GAP43: variants seen among roughly 807,000 people sequenced by gnomAD.
GAP43 encodes neuromodulin.
In GAP43, 6 loss-of-function variants were observed where a neutral mutation model predicts 18.6. That is an observed-to-expected ratio of 0.32 (90% CI 0.18 to 0.64). The LOEUF is 0.64. GAP43 is among the 30% of genes least tolerant of loss of function. The pLI, the probability that GAP43 is intolerant of heterozygous loss-of-function variation, is 0.78. For missense variants in GAP43, 292 were observed against 295.5 expected, an observed-to-expected ratio of 0.99 and a Z score of 0.09; for synonymous variants, 115 against 111.4, an observed-to-expected ratio of 1.03 and a Z score of -0.20.
intron 1 of GAP43, among the ~76,000 whole-genome samples, chr3:115,663,051 A>G (rs1223792212): frequency 6.6e-6 from 1 of 152,168 alleles, no homozygotes; most frequent in Non-Finnish European, 1.5e-5. Context: ...CAGAACCACA[A>G]AGTGGGAGGT....
intron 2 of GAP43, among the ~76,000 whole-genome samples, chr3:115,689,790 TG>T (rs557572538): frequency 3.3e-5 from 5 of 150,632 alleles, no homozygotes; most frequent in Non-Finnish European, 5.9e-5. Flanking sequence ...GAGAAAAAAG[TG>T]GGAGGAAAAA....
intron 2 of GAP43, among the ~76,000 whole-genome samples, chr3:115,716,717 AATATATAT>A (rs3995850): frequency 0.12 from 5,379 of 43,762 alleles, 276 homozygotes; most frequent in Non-Finnish European, 0.16. Context: ...ATCTCAGACA[AATATATAT>A]ATATATATAT....
rs182656126 is a variant in GAP43 at position 115,674,685 on chromosome 3, G to A, written c.31-1328G>A. On this transcript the variant is annotated intron_variant, in intron 1 of 2. Coordinates refer to ENST00000305124, the MANE Select transcript of GAP43 (RefSeq NM_002045.4). Reference sequence around the variant, plus strand: ...CATTTTTTAAAATTCAGGAATAGTGGTCTTTTTTAATTCAGATTTTGAAGG... The same window carrying A: ...CATTTTTTAAAATTCAGGAATAGTGATCTTTTTTAATTCAGATTTTGAAGG... Among the ~76,000 whole-genome samples the A allele has an allele frequency of 1.2e-3, 190 of 152,232 alleles. 1 individual carries two copies. Among genetic ancestry groups the A allele is most frequent in the African/African-American group, 4.5e-3 (185 of 41,542 alleles).
intron 2 of GAP43, among the ~76,000 whole-genome samples, chr3:115,699,012 T>G (rs1237185280): frequency 6.6e-6 from 1 of 152,186 alleles, no homozygotes; most frequent in Non-Finnish European, 1.5e-5. Context: ...TGATTCCTTG[T>G]AAAAGCGGCA....
At chr3:115,707,804 G>T (rs764629980) in intron 2 of GAP43, among the ~76,000 whole-genome samples, 27 of 152,124 alleles carry the variant, frequency 1.8e-4, no homozygotes, top group Non-Finnish European at 3.8e-4. Context: ...TCATGGCTAT[G>T]AAACAGAATA....
intron 2 of GAP43, among the ~76,000 whole-genome samples, chr3:115,696,590 C>A (rs937922058): frequency 1.9e-4 from 25 of 129,140 alleles, no homozygotes; most frequent in Middle Eastern, 3.9e-3. Context: ...CCCCCCCCCC[C>A]ACAAACAGGT....
At chr3:115,673,792 G>A (rs1421046097) in intron 1 of GAP43, among the ~76,000 whole-genome samples, 1 of 152,214 alleles carries the variant, frequency 6.6e-6, no homozygotes, top group Non-Finnish European at 1.5e-5. Context: ...CAGTGGAGGA[G>A]GGAGAAGGAT....
intron 2 of GAP43, among the ~76,000 whole-genome samples, chr3:115,715,241 CA>C (rs1405515993): frequency 7.3e-4 from 111 of 152,280 alleles, no homozygotes; most frequent in African/African-American, 2.5e-3. Flanking sequence ...AACAAAATAA[CA>C]GTACTAATAT....
At chr3:115,683,491 A>T (rs937470443) in intron 2 of GAP43, among the ~76,000 whole-genome samples, 1 of 152,192 alleles carries the variant, frequency 6.6e-6, no homozygotes, top group Non-Finnish European at 1.5e-5. Context: ...ATGTTTTCTG[A>T]TATGACTGGA....
intron 1 of GAP43, among the ~76,000 whole-genome samples, chr3:115,641,578 G>T (rs1313754248): frequency 2.7e-5 from 4 of 150,456 alleles, no homozygotes; most frequent in Non-Finnish European, 4.4e-5. Flanking sequence ...CTGCTAAAAG[G>T]CTCATTACTG....
intron 2 of GAP43, among the ~76,000 whole-genome samples, chr3:115,705,219 T>C (rs1577000986): frequency 6.6e-6 from 1 of 152,162 alleles, no homozygotes; most frequent in East Asian, 1.9e-4. Context: ...GCAGTAGATA[T>C]AAATAGGAAA....
At chr3:115,648,854 C>T (rs1438862664) in intron 1 of GAP43, among the ~76,000 whole-genome samples, 1 of 152,032 alleles carries the variant, frequency 6.6e-6, no homozygotes, top group Non-Finnish European at 1.5e-5. Context: ...AATAAATGGT[C>T]AGTACTATTA....
rs372168438 is a variant in GAP43, at chr3:115,676,516, T to C, written c.534T>C (p.Ala178=). The part of the protein sequence containing the change: ...ADVPAAVTAA[A]ATTPAAEDAA... ...TGCCTGCTGCTGTCACTGCTGCTGC[T>C]GCCACCACCCCTGCCGCAGAGGATG... The change falls in exon 2 of 3, where the codon GCT becomes GCC. Residue 178 remains alanine (A), a synonymous_variant. Coordinates refer to ENST00000305124, the MANE Select transcript of GAP43 (RefSeq NM_002045.4). The C allele has an allele frequency of 9.3e-5, 150 of 1,613,602 alleles. No homozygotes were observed. Among genetic ancestry groups the C allele is most frequent in the Middle Eastern group, 3.3e-4 (2 of 5,994 alleles).
intron 2 of GAP43, among the ~76,000 whole-genome samples, chr3:115,683,306 C>T (rs995834912): frequency 6.6e-6 from 1 of 151,990 alleles, no homozygotes; most frequent in Non-Finnish European, 1.5e-5. Flanking sequence ...AGATAATGGG[C>T]TTAAGGGATG....
intron 1 of GAP43, among the ~76,000 whole-genome samples, chr3:115,626,875 TG>T (rs1708193738): frequency 6.6e-6 from 1 of 152,080 alleles, no homozygotes. Context: ...CTTGCAGTGT[TG>T]GGAAGGTGTG....
Position 115,643,955 on chromosome 3 carries a change from C to T in GAP43, c.30+20236C>T, listed in dbSNP as rs530447527. ...TTCAGAAGTAATAATAAGCTAAACA[C>T]GTGCTACAGCTAATGCATCCATTTC... On this transcript the variant is annotated intron_variant, in intron 1 of 2. Coordinates refer to ENST00000305124, the MANE Select transcript of GAP43 (RefSeq NM_002045.4). Among the ~76,000 whole-genome samples, 19 of 152,056 alleles carry T rather than the reference C, an allele frequency of 1.2e-4. No homozygotes were observed. The East Asian group carries it at 3.5e-3, about 28-fold the overall frequency.
At chr3:115,674,999 G>C (rs185991433) in intron 1 of GAP43, among the ~76,000 whole-genome samples, 2 of 152,258 alleles carry the variant, frequency 1.3e-5, no homozygotes, top group African/African-American at 4.8e-5. Context: ...CAAAAACCCT[G>C]TAAACCCTCT....
At chr3:115,639,694 G>A (rs1376936487) in intron 1 of GAP43, among the ~76,000 whole-genome samples, 3 of 151,850 alleles carry the variant, frequency 2.0e-5, no homozygotes, top group East Asian at 1.9e-4. Flanking sequence ...ATAAACAAAG[G>A]AAAAATGCTA....
chr3:115,714,578 CT>C (rs1460937874), intron 2 of GAP43, among the ~76,000 whole-genome samples: 1 of 152,026 alleles, frequency 6.6e-6, no homozygotes, highest in African/African-American at 2.4e-5. Context: ...TTATTTACTC[CT>C]GAAAATATGA....
Sources: gnomAD v4.1 joint callset for allele counts (sites outside exome capture counted in the v4.1 genomes callset) on GRCh38, gnomAD v4.1.1 for gene constraint, MANE v1.5 for transcripts, NCBI Gene and HGNC (gene_info 2026-07-23, HGNC 2026-07-21) for gene names.